Variants in WWOX observed in about 807,000 individuals in gnomAD.
The protein encoded by WWOX is WW domain containing oxidoreductase.
Under a neutral mutation model 46.2 loss-of-function variants are expected in WWOX, and 69 were observed. That is an observed-to-expected ratio of 1.49 (90% confidence interval 1.23 to 1.82). WWOX has a LOEUF of 1.82. Among genes scored for constraint, WWOX ranks in the 40% most tolerant of loss-of-function variants. WWOX has a pLI of 0.00. For synonymous variants in WWOX, 359 were observed against 202.6 expected (o/e 1.77, Z -6.56); for missense variants, 919 against 542.6 (o/e 1.69, Z -6.89).
intron 8 of WWOX, among the ~76,000 whole-genome samples, chr16:78,908,878 C>G (rs2045036298): frequency 6.6e-6 from 1 of 152,188 alleles, no homozygotes; most frequent in East Asian, 1.9e-4. Flanking sequence ...GTGACATTAT[C>G]CCCTGGAGCA....
At chr16:78,759,538 G>A (rs893318344) in intron 8 of WWOX, among the ~76,000 whole-genome samples, 7 of 151,978 alleles carry the variant, frequency 4.6e-5, no homozygotes, top group African/African-American at 7.3e-5. Flanking sequence ...CCCATATCTC[G>A]GGCACAAACC....
intron 5 of WWOX, chr16:78,355,882 C>CCT: frequency 1.9e-6 from 1 of 519,840 alleles, no homozygotes; most frequent in Non-Finnish European, 3.7e-6. Context: ...TGTACAGTGG[C>CCT]CTCTCTAAAT....
chr16:78,271,234 G>C (rs368085620), intron 5 of WWOX, among the ~76,000 whole-genome samples: 1 of 151,844 alleles, frequency 6.6e-6, no homozygotes, highest in Non-Finnish European at 1.5e-5. Flanking sequence ...GGTTTTTTTC[G>C]TCCACCTGAG....
chr16:79,093,896 C>CT (rs1337536842), intron 8 of WWOX, among the ~76,000 whole-genome samples: 1 of 152,208 alleles, frequency 6.6e-6, no homozygotes, highest in Non-Finnish European at 1.5e-5. Flanking sequence ...TTCCTGGCCA[C>CT]TTTCTCGCTC....
chr16:78,246,219 T>C (rs1465526114), intron 5 of WWOX, among the ~76,000 whole-genome samples: 1 of 152,208 alleles, frequency 6.6e-6, no homozygotes, highest in East Asian at 1.9e-4. Flanking sequence ...CAGTTTGTTA[T>C]TACATGGAAT....
At chr16:79,170,148 T>A (rs1470132395) in intron 8 of WWOX, among the ~76,000 whole-genome samples, 1 of 152,222 alleles carries the variant, frequency 6.6e-6, no homozygotes, top group Non-Finnish European at 1.5e-5. Context: ...TGTCCTTCAA[T>A]AACCCAGTCT....
chr16:78,250,200 C>T (rs901678110), intron 5 of WWOX, among the ~76,000 whole-genome samples: 1 of 152,208 alleles, frequency 6.6e-6, no homozygotes, highest in Non-Finnish European at 1.5e-5. Context: ...AGAAAACACA[C>T]ACAGATCATT....
rs113466829 is a variant in WWOX at position 79,140,810 on chromosome 16, GAGTA to G, written c.1057-70793_1057-70790del. Among the ~76,000 whole-genome samples, 951 of 152,264 alleles carry G rather than the reference GAGTA, an allele frequency of 6.2e-3. 8 individuals carry two copies. The highest frequency in any genetic ancestry group is 0.022 in the African/African-American group (895 of 41,536). ...TCATCAAGCTGACGTTTATACTTCT[GAGTA>G]AGTAGGGGGATCCGGAGAGTCTTCT... On this transcript the variant is annotated intron_variant, in intron 8 of 8. Transcript: ENST00000566780.
intron 8 of WWOX, among the ~76,000 whole-genome samples, chr16:78,588,864 G>A (rs2045284614): frequency 6.6e-6 from 1 of 152,302 alleles, no homozygotes; most frequent in East Asian, 1.9e-4. Context: ...TGGTGATGGG[G>A]TGGTAGTGAT....
chr16:78,756,996 A>G, intron 8 of WWOX: 1 of 702,810 alleles, frequency 1.4e-6, no homozygotes. Context: ...AGAAGAACTG[A>G]GCCTCCTGCC....
chr16:78,772,878 A>C (rs2142525644), intron 8 of WWOX, among the ~76,000 whole-genome samples: 1 of 152,178 alleles, frequency 6.6e-6, no homozygotes, highest in Admixed American at 6.5e-5. Flanking sequence ...TCAAAAAAAT[A>C]ATGGGGTGCA....
At chr16:78,367,005 A>G (rs566213061) in intron 5 of WWOX, among the ~76,000 whole-genome samples, 3 of 102,848 alleles carry the variant, frequency 2.9e-5, no homozygotes, top group African/African-American at 7.8e-5. Flanking sequence ...TTTAAGACGT[A>G]GTCTTGCTCT....
intron 8 of WWOX, among the ~76,000 whole-genome samples, chr16:78,790,511 T>C (rs1157887080): frequency 1.3e-5 from 2 of 152,126 alleles, no homozygotes; most frequent in Non-Finnish European, 2.9e-5. Flanking sequence ...CCTACAACTT[T>C]AAGAGTTCAG....
intron 6 of WWOX, among the ~76,000 whole-genome samples, chr16:78,421,500 A>C (rs6564546): frequency 0.088 from 13,339 of 152,144 alleles, 1,671 homozygotes; most frequent in African/African-American, 0.28. Flanking sequence ...GTGGGACTTA[A>C]TCACATTTGC....
intron 1 of WWOX, among the ~76,000 whole-genome samples, chr16:78,102,218 G>C (rs1256793133): frequency 6.6e-6 from 1 of 152,196 alleles, no homozygotes; most frequent in Non-Finnish European, 1.5e-5. Flanking sequence ...GCCCAGAGCG[G>C]TGTTTTGAGC....
At chr16:79,142,627 C>T (rs7200334) in intron 8 of WWOX, among the ~76,000 whole-genome samples, 53,626 of 152,042 alleles carry the variant, frequency 0.35, 10,850 homozygotes, top group African/African-American at 0.56. Context: ...TTCTCCTCTT[C>T]GAGTCAGTAT....
intron 8 of WWOX, chr16:79,077,791 A>G (rs1433934177): frequency 6.6e-6 from 1 of 152,140 alleles, no homozygotes; most frequent in Admixed American, 6.5e-5. Context: ...TTGAAAGAAA[A>G]TTCAAAGATT....
At chr16:79,048,513 T>C (rs977749026) in intron 8 of WWOX, among the ~76,000 whole-genome samples, 1 of 152,078 alleles carries the variant, frequency 6.6e-6, no homozygotes, top group African/African-American at 2.4e-5. Flanking sequence ...GTAGCAGTAA[T>C]CATATATATA....
intron 8 of WWOX, among the ~76,000 whole-genome samples, chr16:79,122,823 T>G (rs1317937922): frequency 6.6e-6 from 1 of 152,158 alleles, no homozygotes; most frequent in Non-Finnish European, 1.5e-5. Context: ...GTGAGCTCAA[T>G]GAAATACATC....
Sources: allele counts gnomAD v4.1 joint callset (sites outside exome capture counted in the v4.1 genomes callset), GRCh38; gene constraint gnomAD v4.1.1; transcripts MANE v1.5; gene names NCBI Gene and HGNC (gene_info 2026-07-23, HGNC 2026-07-21).